Variants in DAAM2 observed in about 807,000 individuals in gnomAD.
DAAM2 encodes the protein disheveled-associated activator of morphogenesis 2.
In DAAM2, 39 loss-of-function variants were observed where a neutral mutation model predicts 120.7. That is an observed-to-expected ratio of 0.32 (90% confidence interval 0.25 to 0.42). The LOEUF (loss-of-function observed/expected upper bound fraction) is 0.42, where lower values mean the gene tolerates loss of function less well. Ranked by LOEUF, DAAM2 falls within the 10% of genes least tolerant of loss-of-function variation. The pLI, the probability that DAAM2 is intolerant of heterozygous loss-of-function variation, is 1.00. For synonymous variants in DAAM2, 488 were observed against 524.9 expected (o/e 0.93, Z 0.96); for missense variants, 1,283 against 1,401.7 (o/e 0.92, Z 1.35).
chr6:39,839,089 T>C (rs9380904), intron 1 of DAAM2, among the ~76,000 whole-genome samples: 132,523 of 151,932 alleles, frequency 0.87, 58,615 homozygotes, highest in Non-Finnish European at 0.94. Flanking sequence ...GGCTAGGCAT[T>C]GTTTTTTTTT....
intron 1 of DAAM2, among the ~76,000 whole-genome samples, chr6:39,805,926 G>A (rs866458889): frequency 2.4e-4 from 36 of 152,290 alleles, no homozygotes; most frequent in Middle Eastern, 3.4e-3. Context: ...TGTTCTTAAA[G>A]CTCAGAGAAA....
At chr6:39,810,802 C>T (rs969820970) in intron 1 of DAAM2, among the ~76,000 whole-genome samples, 10 of 152,218 alleles carry the variant, frequency 6.6e-5, no homozygotes, top group Admixed American at 2.0e-4. Flanking sequence ...CTGGTTCTTC[C>T]TGAGAGCTCA....
intron 14 of DAAM2, chr6:39,879,953 C>T (rs1765048449): frequency 2.1e-5 from 5 of 237,698 alleles, no homozygotes; most frequent in Admixed American, 5.2e-5. Context: ...GGCCTCATGT[C>T]TGGACCAGCA....
rs551041219 is a variant in DAAM2, at chr6:39,875,341, G to C, written c.1174G>C (p.Gly392Arg). The C allele has an allele frequency of 6.2e-7, 1 of 1,613,608 alleles. No homozygotes were observed. The highest frequency in any genetic ancestry group is 8.5e-7 in the Non-Finnish European group (1 of 1,179,752). ...CTGTCATCCCTCAGACAAACGGAAC[G>C]GTGGCTACTTCCAGCAGTGGCAGCT... is the stretch of plus-strand genomic sequence containing the variant. Reference protein sequence around the residue: ...HCLQMPYKRNGGYFQQWQLLD... With the variant: ...HCLQMPYKRNRGYFQQWQLLD... The change falls in exon 11 of 25, where the codon GGT becomes CGT. Residue 392 changes from glycine (G) to arginine (R), a missense_variant. Physicochemically the swap from Gly to Arg is moderately radical, Grantham distance 125 (BLOSUM62 -2). Coordinates refer to ENST00000274867, the MANE Select transcript of DAAM2 (RefSeq NM_001201427.2).
Position 39,903,626 on chromosome 6 carries a change from C to G in DAAM2, c.*1589C>G, listed in dbSNP as rs1256110514. 6.4e-6 allele frequency: 1 copy of G among 156,106 alleles called. No homozygotes were observed. Among genetic ancestry groups the G allele is most frequent in the Admixed American group, 6.2e-5 (1 of 16,182 alleles). 9.7% of individuals were successfully genotyped at this position (156,106 alleles called of 1,614,324 possible). On this transcript the variant is annotated 3_prime_UTR_variant, in exon 25 of 25. Transcript: ENST00000274867. ...TGCCCTTCCCTGTGTTTCTCACTTT[C>G]CAACCTAATCCCTGGCTCAGGGTTA...
At position 39,870,417 on chromosome 6, in the gene DAAM2, G is replaced by A; in HGVS notation, c.951G>A (p.Arg317=). The A allele has an allele frequency of 6.3e-7, 1 of 1,582,742 alleles. No individual in the cohort carries two copies. The highest frequency in any genetic ancestry group is 8.6e-7 in the Non-Finnish European group (1 of 1,163,024). ...TACAGCCTGTGATTGACAAGCTCCG[G>A]CAACATGAAAATGCCATCCTGGACA... The part of the protein sequence containing the change: ...LGIQPVIDKL[R]QHENAILDKH... The change falls in exon 8 of 25, where the codon CGG becomes CGA. Residue 317 remains arginine, a synonymous_variant. Coordinates refer to ENST00000274867, the MANE Select transcript of DAAM2 (RefSeq NM_001201427.2).
intron 1 of DAAM2, among the ~76,000 whole-genome samples, chr6:39,844,146 T>C (rs1405120705): frequency 1.3e-5 from 2 of 152,200 alleles, no homozygotes; most frequent in Admixed American, 6.5e-5. Flanking sequence ...TAATAAATAC[T>C]AGTATTCTCT....
intron 1 of DAAM2, among the ~76,000 whole-genome samples, chr6:39,814,692 T>C (rs1003026768): frequency 6.6e-6 from 1 of 152,208 alleles, no homozygotes; most frequent in Non-Finnish European, 1.5e-5. Flanking sequence ...CTTTCTGGAT[T>C]GACTCACCAA....
At chr6:39,817,368 C>A (rs1302540862) in intron 1 of DAAM2, among the ~76,000 whole-genome samples, 1 of 152,138 alleles carries the variant, frequency 6.6e-6, no homozygotes, top group Non-Finnish European at 1.5e-5. Context: ...TGACTGAAAA[C>A]AACAAAGGTG....
At chr6:39,860,624 C>T (rs1471139024) in intron 2 of DAAM2, among the ~76,000 whole-genome samples, 1 of 152,144 alleles carries the variant, frequency 6.6e-6, no homozygotes, top group Non-Finnish European at 1.5e-5. Context: ...CAAAGCAATG[C>T]AGGCGATGGG....
At chr6:39,814,054 A>G (rs976165834) in intron 1 of DAAM2, among the ~76,000 whole-genome samples, 1 of 152,234 alleles carries the variant, frequency 6.6e-6, no homozygotes, top group Admixed American at 6.5e-5. Context: ...AAGCTTGTTC[A>G]GCCCGTGGCC....
chr6:39,883,652 A>C, intron 14 of DAAM2: 1 of 295,266 alleles, frequency 3.4e-6, no homozygotes, highest in Non-Finnish European at 6.4e-6. Flanking sequence ...TTGCTTTTGG[A>C]AAAAGTGAAG....
chr6:39,885,275 C>G (rs1429992253), intron 15 of DAAM2: 1 of 152,350 alleles, frequency 6.6e-6, no homozygotes, highest in South Asian at 2.1e-4. Flanking sequence ...ACTCCTAATT[C>G]CAGGAGGCAT....
At chr6:39,876,501 C>T (rs892316457) in intron 11 of DAAM2, among the ~76,000 whole-genome samples, 13 of 152,192 alleles carry the variant, frequency 8.5e-5, no homozygotes, top group Non-Finnish European at 1.5e-5. Context: ...GCAATCTTTT[C>T]CACTGCCAGA....
intron 1 of DAAM2, among the ~76,000 whole-genome samples, chr6:39,806,848 AAAAAAAAG>A (rs1256225197): frequency 1.4e-4 from 18 of 127,878 alleles, no homozygotes; most frequent in Admixed American, 1.1e-3. Flanking sequence ...GGCAAAAAAA[AAAAAAAAG>A]AAAAGAAAAA....
chr6:39,804,975 G>A (rs865950219), intron 1 of DAAM2, among the ~76,000 whole-genome samples: 2 of 152,272 alleles, frequency 1.3e-5, no homozygotes, highest in African/African-American at 4.8e-5. Flanking sequence ...CTGTTAAAGT[G>A]AGGTTGACTG....
At chr6:39,821,677 T>G (rs1337952746) in intron 1 of DAAM2, 1 of 152,176 alleles carries the variant, frequency 6.6e-6, no homozygotes, top group Non-Finnish European at 1.5e-5. Flanking sequence ...TTGTCAACCT[T>G]GAGGCAGGGA....
intron 1 of DAAM2, among the ~76,000 whole-genome samples, chr6:39,847,783 T>C (rs1012061833): frequency 6.6e-6 from 1 of 152,094 alleles, no homozygotes; most frequent in Non-Finnish European, 1.5e-5. Context: ...CTTCTCCCTC[T>C]TGTCTTCCCA....
At chr6:39,852,521 G>A (rs989920617) in intron 1 of DAAM2, among the ~76,000 whole-genome samples, 3 of 152,186 alleles carry the variant, frequency 2.0e-5, no homozygotes, top group South Asian at 2.1e-4. Context: ...CTGGAGAAGC[G>A]CTGAGGCTTG....
Sources: allele counts gnomAD v4.1 joint callset (sites outside exome capture counted in the v4.1 genomes callset), GRCh38; gene constraint gnomAD v4.1.1; transcripts MANE v1.5; gene names NCBI Gene and HGNC (gene_info 2026-07-23, HGNC 2026-07-21).